The following ZFP28 variants were observed in gnomAD, a reference collection of about 807,000 sequenced individuals.
The protein encoded by ZFP28 is zinc finger protein 28 homolog.
ZFP28 carries 31 observed loss-of-function variants against 39.5 expected under a neutral mutation model. The ratio of observed to expected loss-of-function variants is 0.79; its 90% CI spans 0.59 to 1.06. The LOEUF (loss-of-function observed/expected upper bound fraction) is 1.06. Among genes scored for constraint, ZFP28 ranks in the 50% least tolerant of loss-of-function variants. ZFP28 has a pLI of 0.00. For missense variants in ZFP28, 925 were observed against 1,048.4 expected, an observed-to-expected ratio of 0.88 and a Z score of 1.63; for synonymous variants, 400 against 378.6, an observed-to-expected ratio of 1.06 and a Z score of -0.66.
At position 56,548,949 on chromosome 19, in the gene ZFP28, G is replaced by A. The variant is rs755551345; in HGVS notation, c.524-9G>A. ...TAAAAGATAAATTTACCTTCTTTAC[G>A]TCTTTCAGACTTGAAGGCTGTGTGG... is the stretch of plus-strand genomic sequence containing the variant. On this transcript the variant is annotated splice_polypyrimidine_tract_variant and intron_variant, in intron 4 of 7. Coordinates refer to ENST00000301318, the MANE Select transcript of ZFP28 (RefSeq NM_020828.2). 19 of 1,603,526 alleles carry A rather than the reference G, an allele frequency of 1.2e-5. No individual in the cohort carries two copies. Among genetic ancestry groups the A allele is most frequent in the African/African-American group, 5.4e-5 (4 of 74,348 alleles).
At chr19:56,539,349 C>G (rs930222609) in intron 1 of ZFP28, 123 bp downstream of exon 1, 1 of 1,068,730 alleles carries the variant, frequency 9.4e-7, no homozygotes, top group Admixed American at 2.9e-5. Context: ...GTCTTTGAAG[C>G]TGGTGGAGTG....
At position 56,547,971 on chromosome 19, in the gene ZFP28, CAT is replaced by C. The variant is rs1258985812; in HGVS notation, c.523+70_523+71del. 1 of 1,442,696 alleles carries C rather than the reference CAT, an allele frequency of 6.9e-7. No homozygotes were observed. Among genetic ancestry groups the C allele is most frequent in the East Asian group, 2.3e-5 (1 of 43,732 alleles). The allele number at this position is 1,442,696 out of a possible 1,614,324, so 89.4% of individuals were successfully genotyped here. ...TAGTTCAGCTGACTCAGACACGCAA[CAT>C]CTTCAGCAGACTCTTCCTAAGCCTC... On this transcript the variant is annotated intron_variant, in intron 4 of 7. Transcript: ENST00000301318. The surrounding 1 kb of genome is among the most constrained non-coding windows in gnomAD (Gnocchi z 4.6).
At chr19:56,549,634 G>A (rs1010647182) in intron 5 of ZFP28, among the ~76,000 whole-genome samples, 9 of 151,678 alleles carry the variant, frequency 5.9e-5, no homozygotes, top group Non-Finnish European at 1.2e-4. Flanking sequence ...CCGAGATCGC[G>A]CCACTGCACT....
chr19:56,551,441 C>G, intron 7 of ZFP28: 1 of 985,412 alleles, frequency 1.0e-6, no homozygotes, highest in South Asian at 4.7e-5. Flanking sequence ...TACGCATACA[C>G]GTTTTTCATG....
chr19:56,538,430 C>G (rs1334687063), upstream of ZFP28: 1 of 153,390 alleles, frequency 6.5e-6, no homozygotes, highest in Non-Finnish European at 1.4e-5. Context: ...CTCACCCGGT[C>G]TGCCGCTGCG....
chr19:56,543,755 C>T (rs953722175), intron 2 of ZFP28, among the ~76,000 whole-genome samples: 1 of 152,126 alleles, frequency 6.6e-6, no homozygotes, highest in Non-Finnish European at 1.5e-5. Flanking sequence ...TTTGTCTCCA[C>T]CTAAATTAAG....
rs939421147 is a variant in ZFP28, at chr19:56,555,338, T to C, written c.2553T>C (p.Pro851=). The C allele has an allele frequency of 7.4e-6, 12 of 1,613,338 alleles. No homozygotes were observed. The highest frequency in any genetic ancestry group is 1.7e-5 in the Admixed American group (1 of 59,882). The change falls in exon 8 of 8, where the codon CCT becomes CCC. Residue 851 remains proline (P), a synonymous_variant. Coordinates refer to ENST00000301318, the MANE Select transcript of ZFP28 (RefSeq NM_020828.2). ...CCTCTTTACCTTCCACGTCAAATCC[T>C]GTGGATCTGTTTCCCAAATTTCTCT... ...TCPSLPSTSN[P]VDLFPKFLWN... is the part of the protein sequence containing the mutation.
At chr19:56,538,924 C>G, upstream of ZFP28, 4 of 1,089,774 alleles carry the variant, frequency 3.7e-6, no homozygotes, top group Non-Finnish European at 4.6e-6. Context: ...GGGGAGCGCG[C>G]GCGGGGCTGT....
chr19:56,539,178 G>A lies in ZFP28; in HGVS notation c.160G>A (p.Ala54Thr), dbSNP rs775138366. The A allele has an allele frequency of 1.2e-5, 19 of 1,603,046 alleles. No homozygotes were observed. Among genetic ancestry groups the A allele is most frequent in the South Asian group, 6.7e-5 (6 of 89,914 alleles). The change falls in exon 1 of 8, where the codon GCA becomes ACA. Residue 54 changes from alanine to threonine, a missense_variant. Coordinates refer to ENST00000301318, the MANE Select transcript of ZFP28 (RefSeq NM_020828.2). ...AAGGCCGCGCTCAAGGAATGGCCTC[G>A]CATCCAAAGGCCAGCGAGGAGCGGC... The part of the protein sequence containing the change: ...RGRPRSRNGL[A>T]SKGQRGAAPT...
chr19:56,543,630 G>A (rs1359421865), intron 2 of ZFP28, among the ~76,000 whole-genome samples: 1 of 152,140 alleles, frequency 6.6e-6, no homozygotes, highest in East Asian at 1.9e-4. Context: ...TAGATTCTGT[G>A]CCTGTATAAT....
Position 56,555,135 on chromosome 19 carries a change from C to G in ZFP28, c.2350C>G (p.Pro784Ala), listed in dbSNP as rs1286783262. 3 of 1,614,048 alleles carry G rather than the reference C, an allele frequency of 1.9e-6. No homozygotes were observed. Among genetic ancestry groups the G allele is most frequent in the Non-Finnish European group, 2.5e-6 (3 of 1,180,038 alleles). ...VHQRIHSGKK[P>A]YECKECRKTF... is the part of the protein sequence containing the mutation. Reference sequence around the variant, plus strand: ...TCAGAGAATCCATTCTGGAAAGAAACCATATGAATGTAAGGAATGTAGGAA... The same window carrying G: ...TCAGAGAATCCATTCTGGAAAGAAAGCATATGAATGTAAGGAATGTAGGAA... Residue 784 changes from proline to alanine, a missense_variant, in exon 8 of 8, where the codon CCA becomes GCA. This residue lies in a region of ZFP28 where 369 missense variants were observed against 505.5 expected (regional missense o/e 0.73). Coordinates refer to ENST00000301318, the MANE Select transcript of ZFP28 (RefSeq NM_020828.2).
rs1378199295 is a variant in ZFP28 at position 56,539,029 on chromosome 19, C to T, written c.11C>T (p.Ala4Val). ...GCGGCCTCGGGTGACATGCGGGGGG[C>T]GGCGAGCGCGAGTGTCCGCGAGCCG... MRG[A>V]ASASVREPTP... The change falls in exon 1 of 8, where the codon GCG (alanine) becomes GTG (valine). Residue 4 changes from alanine to valine, a missense_variant. Ala to Val is a moderately conservative substitution (Grantham distance 64, BLOSUM62 0). Coordinates refer to ENST00000301318, the MANE Select transcript of ZFP28 (RefSeq NM_020828.2). The T allele has an allele frequency of 2.1e-6, 3 of 1,422,726 alleles. No individual in the cohort carries two copies. Among genetic ancestry groups the T allele is most frequent in the Admixed American group, 2.8e-5 (1 of 35,396 alleles). 88.1% of individuals were successfully genotyped at this position (1,422,726 alleles called of 1,614,324 possible).
In ZFP28 at chr19:56,554,385, A is replaced by C. The variant is rs530793032; in HGVS notation, c.1600A>C (p.Lys534Gln). The change falls in exon 8 of 8, where the codon AAA (lysine) becomes CAA (glutamine). Residue 534 changes from lysine (K) to glutamine (Q), a missense_variant. Physicochemically the swap from Lys to Gln is moderately conservative, Grantham distance 53. This residue lies in a region of ZFP28 where 369 missense variants were observed against 505.5 expected (regional missense o/e 0.73). Coordinates refer to ENST00000301318, the MANE Select transcript of ZFP28 (RefSeq NM_020828.2). The surrounding 1 kb of genome is among the most constrained non-coding windows in gnomAD (Gnocchi z 6.7). ...AATTCATACTGGAGAGAAACCTTAC[A>C]AATGTGATGTATGTCACAAATCCTT... ...RRIHTGEKPY[K>Q]CDVCHKSFRY... is the part of the protein sequence containing the mutation. 6.2e-7 allele frequency: 1 copy of C among 1,614,122 alleles called. No homozygotes were observed. Among genetic ancestry groups the C allele is most frequent in the African/African-American group, 1.3e-5 (1 of 75,036 alleles).
chr19:56,553,775 T>C lies in ZFP28; in HGVS notation c.990T>C (p.Leu330=). 1 of 1,614,096 alleles carries C rather than the reference T, an allele frequency of 6.2e-7. No homozygotes were observed. The change falls in exon 8 of 8, where the codon CTT becomes CTC. Residue 330 remains leucine, a synonymous_variant. Coordinates refer to ENST00000301318, the MANE Select transcript of ZFP28 (RefSeq NM_020828.2). The part of the protein sequence containing the change: ...GVTDRTSNTK[L]DCSSFRENWD... ...CAGACAGAACCTCAAACACTAAACTTGATTGTTCCAGTTTCAGAGAAAATT... is the reference window on the plus strand; with the variant it reads ...CAGACAGAACCTCAAACACTAAACTCGATTGTTCCAGTTTCAGAGAAAATT...
chr19:56,551,873 A>G (rs747037252), intron 7 of ZFP28: 232 of 982,652 alleles, frequency 2.4e-4, no homozygotes, highest in Non-Finnish European at 2.8e-4. Flanking sequence ...TGCTATGTAT[A>G]TAAGCATACT....
chr19:56,551,839 T>A, intron 7 of ZFP28: 1 of 982,976 alleles, frequency 1.0e-6, no homozygotes. Context: ...GTGTGTTAAA[T>A]ATTTTCTTAA....
Position 56,547,389 on chromosome 19 carries a change from G to T in ZFP28, c.301-119G>T, listed in dbSNP as rs1381546471. On this transcript the variant is annotated intron_variant, in intron 2 of 7. Coordinates refer to ENST00000301318, the MANE Select transcript of ZFP28 (RefSeq NM_020828.2). The surrounding 1 kb of genome is among the most constrained non-coding windows in gnomAD (Gnocchi z 4.6). ...AAATACAGTCACATTCAAAAGTACT[G>T]GGGATTAGGAGTTTAATGTAGGAGT... is the stretch of plus-strand genomic sequence containing the variant. 1.4e-6 allele frequency: 2 copies of T among 1,428,160 alleles called. No homozygotes were observed. Among genetic ancestry groups the T allele is most frequent in the East Asian group, 2.3e-5 (1 of 43,622 alleles). The allele number at this position is 1,428,160 out of a possible 1,614,324, so 88.5% of individuals were successfully genotyped here. A position where few individuals can be genotyped will look rare whatever the true frequency, so the allele number is the denominator to read the frequency against.
chr19:56,552,802 TTCTC>T (rs1019224648), intron 7 of ZFP28: 2 of 152,224 alleles, frequency 1.3e-5, no homozygotes, highest in Non-Finnish European at 2.9e-5. Flanking sequence ...ACTTAATTAT[TTCTC>T]TCTCCTTTAT....
At position 56,554,773 on chromosome 19, in the gene ZFP28, A is replaced by C; in HGVS notation, c.1988A>C (p.His663Pro). The C allele has an allele frequency of 1.2e-6, 2 of 1,614,222 alleles. No homozygotes were observed. The highest frequency in any genetic ancestry group is 1.7e-6 in the Non-Finnish European group (2 of 1,180,036). Residue 663 changes from histidine to proline, a missense_variant, in exon 8 of 8, where the codon CAT becomes CCT. His to Pro is a moderately conservative substitution (Grantham distance 77). This residue lies in a region of ZFP28 where 369 missense variants were observed against 505.5 expected (regional missense o/e 0.73). Coordinates refer to ENST00000301318, the MANE Select transcript of ZFP28 (RefSeq NM_020828.2). This position sits in a 1 kb window ranked among gnomAD's most constrained non-coding sequence, Gnocchi z 6.7. ...AFTQKAHLAQ[H>P]QKTHTGEKPY... ...ACCCAGAAGGCTCACCTTGCACAGC[A>C]TCAGAAAACCCATACAGGAGAGAAA...
Sources: allele counts gnomAD v4.1 joint callset (sites outside exome capture counted in the v4.1 genomes callset), GRCh38; gene constraint gnomAD v4.1.1; regional missense constraint gnomAD v4.1.1; non-coding constraint Gnocchi (gnomAD v3.1); transcripts MANE v1.5; gene names NCBI Gene and HGNC (gene_info 2026-07-23, HGNC 2026-07-21).